The following AGFG1 variants were observed in gnomAD, a reference collection of about 807,000 sequenced individuals.
AGFG1 encodes ArfGAP with FG repeats 1.
Under a neutral mutation model 60.6 loss-of-function variants are expected in AGFG1, and 10 were observed. The ratio of observed to expected loss-of-function variants is 0.16; its 90% CI spans 0.10 to 0.28. AGFG1 has a LOEUF of 0.28. AGFG1 is among the 10% of genes least tolerant of loss of function. AGFG1 has a pLI of 1.00. For missense variants in AGFG1, 537 were observed against 676.5 expected, an observed-to-expected ratio of 0.79 and a Z score of 2.29; for synonymous variants, 247 against 242.9, an observed-to-expected ratio of 1.02 and a Z score of -0.16.
At chr2:227,553,605 C>A in intron 11 of AGFG1, 99 bp from the exon 12 acceptor site, 2 of 942,142 alleles carry the variant, frequency 2.1e-6, no homozygotes, top group Non-Finnish European at 3.3e-6. Flanking sequence ...ATTTTTGCTG[C>A]TCTGGTAGGA....
At chr2:227,493,912 A>T (rs1690895872) in intron 2 of AGFG1, among the ~76,000 whole-genome samples, 1 of 152,234 alleles carries the variant, frequency 6.6e-6, no homozygotes, top group African/African-American at 2.4e-5. Flanking sequence ...AACAGATAAC[A>T]CATTTGTTGG....
In AGFG1 at chr2:227,547,588, G is replaced by A. The variant is rs1043844389; in HGVS notation, c.1379-4371G>A. Among the ~76,000 whole-genome samples the A allele has an allele frequency of 6.6e-5, 10 of 152,176 alleles. No homozygotes were observed. The East Asian group carries it at 7.7e-4, about 12-fold the overall frequency. On this transcript the variant is annotated intron_variant, in intron 10 of 12. Transcript: ENST00000310078. ...TCAGAATGTGCAAAGAACTCGTAACGACTAAATAATAAAAAGACACCCCAA... is the reference window on the plus strand; with the variant it reads ...TCAGAATGTGCAAAGAACTCGTAACAACTAAATAATAAAAAGACACCCCAA...
rs1377231469 is a variant in AGFG1, at chr2:227,546,215, G to C, written c.1379-5744G>C. Reference sequence around the variant, plus strand: ...TGGCGGGCGCCCCTCCCCCAGCCTTGCTGCCGCCTCGCAGTTCAATCAAGA... The same window carrying C: ...TGGCGGGCGCCCCTCCCCCAGCCTTCCTGCCGCCTCGCAGTTCAATCAAGA... On this transcript the variant is annotated intron_variant, in intron 10 of 12. Transcript: ENST00000310078. 1.2e-4 allele frequency among the ~76,000 whole-genome samples: 18 copies of C among 152,176 alleles called. 1 individual carries two copies. The highest frequency in any genetic ancestry group is 1.2e-3 in the Admixed American group (18 of 15,278).
At chr2:227,477,536 A>C (rs1019736103) in intron 1 of AGFG1, among the ~76,000 whole-genome samples, 2 of 152,182 alleles carry the variant, frequency 1.3e-5, no homozygotes, top group Non-Finnish European at 2.9e-5. Context: ...TGTGAATTCT[A>C]TATTTTGGGG....
At chr2:227,473,354 A>G (rs143815060) in intron 1 of AGFG1, among the ~76,000 whole-genome samples, 2 of 152,256 alleles carry the variant, frequency 1.3e-5, no homozygotes, top group East Asian at 3.9e-4. Context: ...TTTAATGGCA[A>G]TAAGGTACCC....
In AGFG1 at chr2:227,524,198, T is replaced by G. The variant is rs545336193; in HGVS notation, c.540+273T>G. 2.6e-5 allele frequency among the ~76,000 whole-genome samples: 4 copies of G among 152,224 alleles called. No homozygotes were observed. The South Asian group carries it at 6.2e-4, about 24-fold the overall frequency. On this transcript the variant is annotated intron_variant, in intron 4 of 12. Transcript: ENST00000310078. ...GTTGCTATAGCTATATATATGTGTG[T>G]GTGTGTATACATGTATATATCATGT...
intron 1 of AGFG1, among the ~76,000 whole-genome samples, chr2:227,484,677 GTTTTTTTTTT>G (rs1690567354): frequency 8.6e-6 from 1 of 115,908 alleles, no homozygotes; most frequent in Admixed American, 9.4e-5. Flanking sequence ...AGATCTCTTA[GTTTTTTTTTT>G]GTTTTTTTTT....
intron 5 of AGFG1, among the ~76,000 whole-genome samples, chr2:227,526,287 G>C (rs1258723647): frequency 6.6e-6 from 1 of 152,054 alleles, no homozygotes; most frequent in African/African-American, 2.4e-5. Context: ...TCCGCCACCT[G>C]GGTTTAAGCT....
chr2:227,492,927 A>G (rs1239856508), intron 2 of AGFG1, among the ~76,000 whole-genome samples: 2 of 152,106 alleles, frequency 1.3e-5, no homozygotes, highest in African/African-American at 4.8e-5. Flanking sequence ...TGCACACTTG[A>G]AGTTACTTTC....
chr2:227,531,112 A>T lies in AGFG1; in HGVS notation c.716A>T (p.Asp239Val), dbSNP rs766077514. Residue 239 changes from aspartate (D) to valine (V), a missense_variant, in exon 6 of 13, where the codon GAT becomes GTT. This residue lies in a region of AGFG1 where 287 missense variants were observed against 343.6 expected (regional missense o/e 0.84). Coordinates refer to ENST00000310078, the MANE Select transcript of AGFG1 (RefSeq NM_004504.5). ...ACAGCTCAGAATTCTGCAAATGCAG[A>T]TTTTGCAAACTTTGATGCATTTGGA... ...SHAAQNSANA[D>V]FANFDAFGQS... The T allele has an allele frequency of 1.9e-6, 3 of 1,612,990 alleles. No individual in the cohort carries two copies. The highest frequency in any genetic ancestry group is 3.3e-5 in the Admixed American group (2 of 59,894).
chr2:227,527,972 C>T (rs1381183691), intron 5 of AGFG1, among the ~76,000 whole-genome samples: 4 of 152,020 alleles, frequency 2.6e-5, no homozygotes, highest in Non-Finnish European at 4.4e-5. Flanking sequence ...TTTTACTTAC[C>T]TGTGAGATTG....
chr2:227,478,431 C>A (rs1438318588), intron 1 of AGFG1, among the ~76,000 whole-genome samples: 3 of 151,928 alleles, frequency 2.0e-5, no homozygotes, highest in Non-Finnish European at 4.4e-5. Context: ...CAGCCTTGAC[C>A]TCCCCAGGCT....
chr2:227,512,324 T>C (rs1336789912), intron 2 of AGFG1, among the ~76,000 whole-genome samples: 3 of 152,224 alleles, frequency 2.0e-5, no homozygotes, highest in Admixed American at 6.5e-5. Flanking sequence ...TCAGTTTCTC[T>C]TGTATAAAGC....
intron 1 of AGFG1, among the ~76,000 whole-genome samples, chr2:227,475,193 A>C (rs757411511): frequency 6.6e-6 from 1 of 152,244 alleles, no homozygotes; most frequent in Non-Finnish European, 1.5e-5. Flanking sequence ...AAGTAAAACT[A>C]TACAGTGGCT....
In AGFG1 at chr2:227,489,819, CT is replaced by C. The variant is rs35139576; in HGVS notation, c.168-1714del. Among the ~76,000 whole-genome samples the C allele has an allele frequency of 4.3e-3, 628 of 144,528 alleles. 1 individual carries two copies. The highest frequency in any genetic ancestry group is 0.011 in the Middle Eastern group (3 of 278). The allele number at this position is 144,528 out of a possible 152,430, so 94.8% of individuals were successfully genotyped here. ...CTTTGTGTTTTGACAAGCAAAAATA[CT>C]TTTTTTTTTTTTTGAGACAGAATCT... On this transcript the variant is annotated intron_variant, in intron 1 of 12. Transcript: ENST00000310078.
At chr2:227,475,484 G>A (rs892384695) in intron 1 of AGFG1, among the ~76,000 whole-genome samples, 1 of 152,184 alleles carries the variant, frequency 6.6e-6, no homozygotes, top group Non-Finnish European at 1.5e-5. Context: ...GAACGTTGGA[G>A]GGACAATAGC....
rs1490282983 is a variant in AGFG1 at position 227,528,937 on chromosome 2, C to T, written c.695-2154C>T. On this transcript the variant is annotated intron_variant, in intron 5 of 12. Transcript: ENST00000310078. ...GTGGTTAATCTTAACTGTTTTGTTC[C>T]TTGTCTGAAGAAAGAATGAAATAGC... Among the ~76,000 whole-genome samples, 11 of 152,170 alleles carry T rather than the reference C, an allele frequency of 7.2e-5. No homozygotes were observed. In the South Asian group the frequency reaches 2.3e-3, roughly 32 times the overall value.
rs1045262215 is a variant in AGFG1, at chr2:227,559,107, G to A, written c.*4612G>A. The A allele has an allele frequency of 2.0e-5, 3 of 152,154 alleles. No homozygotes were observed. Among genetic ancestry groups the A allele is most frequent in the African/African-American group, 7.2e-5 (3 of 41,434 alleles). 9.4% of individuals were successfully genotyped at this position (152,154 alleles called of 1,614,324 possible). On this transcript the variant is annotated 3_prime_UTR_variant, in exon 13 of 13. Transcript: ENST00000310078. ...TGGTTTTAAAAAGTCCAATTATTGT[G>A]CTCTTATAGGGGTTGCACATTCAAG...
intron 10 of AGFG1, among the ~76,000 whole-genome samples, chr2:227,549,693 A>G (rs1692763380): frequency 6.6e-6 from 1 of 152,232 alleles, no homozygotes; most frequent in African/African-American, 2.4e-5. Context: ...GATGCTGGAT[A>G]ATCTCATATG....
Sources: allele counts gnomAD v4.1 joint callset (sites outside exome capture counted in the v4.1 genomes callset), GRCh38; gene constraint gnomAD v4.1.1; regional missense constraint gnomAD v4.1.1; transcripts MANE v1.5; gene names NCBI Gene and HGNC (gene_info 2026-07-23, HGNC 2026-07-21).